Variants in JPH2 observed in about 807,000 individuals in gnomAD.
The protein encoded by JPH2 is junctophilin-2.
JPH2 carries 38 observed loss-of-function variants against 55.9 expected under a neutral mutation model. The observed-to-expected ratio is 0.68, with a 90% confidence interval of 0.52 to 0.89. JPH2 has a LOEUF of 0.89. Ranked by LOEUF, JPH2 falls within the 40% of genes least tolerant of loss-of-function variation. The pLI, the probability that JPH2 is intolerant of heterozygous loss-of-function variation, is 0.00. For missense variants in JPH2, 964 were observed against 1,037.6 expected, an observed-to-expected ratio of 0.93 and a Z score of 0.97; for synonymous variants, 480 against 472.4, an observed-to-expected ratio of 1.02 and a Z score of -0.21.
chr20:44,127,724 G>A (rs950039654), intron 2 of JPH2, among the ~76,000 whole-genome samples: 1 of 151,966 alleles, frequency 6.6e-6, no homozygotes, highest in African/African-American at 2.4e-5. Flanking sequence ...TCCTGACCTC[G>A]TGATCCACCC....
rs934284609 is a variant in JPH2 at position 44,132,298 on chromosome 20, G to C, written c.1170-13675C>G. ...AGAATATTTATGGAAAGATAGGTAA[G>C]AAACTTATAATACAGGTTGCCCACT... On this transcript the variant is annotated intron_variant, in intron 2 of 5. Coordinates refer to ENST00000372980, the MANE Select transcript of JPH2 (RefSeq NM_020433.5). 2.7e-5 allele frequency among the ~76,000 whole-genome samples: 4 copies of C among 149,786 alleles called. No homozygotes were observed. The Admixed American group carries it at 2.7e-4, about 10-fold the overall frequency.
Position 44,118,561 on chromosome 20 carries a change from T to C in JPH2, c.1232A>G (p.Glu411Gly). ...AEQAALAANQ[E>G]SNIARTLARE... The stretch of plus-strand genomic sequence containing the variant: ...GGCCAAAGTGCGAGCAATGTTGGAC[T>C]CCTGGTTGGCAGCCAGGGCGGCCTG... Residue 411 changes from glutamate (E) to glycine (G), a missense_variant, in exon 3 of 6, where the codon GAG becomes GGG. Physicochemically the swap from Glu to Gly is moderately conservative, Grantham distance 98. Coordinates refer to ENST00000372980, the MANE Select transcript of JPH2 (RefSeq NM_020433.5). The C allele has an allele frequency of 6.2e-7, 1 of 1,613,268 alleles. No individual in the cohort carries two copies. Among genetic ancestry groups the C allele is most frequent in the Non-Finnish European group, 8.5e-7 (1 of 1,180,042 alleles).
At chr20:44,134,644 A>AAATATAT (rs1349877369) in intron 2 of JPH2, among the ~76,000 whole-genome samples, 1 of 30,650 alleles carries the variant, frequency 3.3e-5, no homozygotes, top group African/African-American at 1.4e-4. Flanking sequence ...TAAATATATA[A>AAATATAT]ATATTTATTA....
chr20:44,123,248 G>A (rs775451853), intron 2 of JPH2, among the ~76,000 whole-genome samples: 11 of 152,074 alleles, frequency 7.2e-5, no homozygotes, highest in East Asian at 1.9e-4. Flanking sequence ...CAGGAATCCC[G>A]GTGTTCTTCA....
chr20:44,155,917 TC>T (rs1188275291), intron 2 of JPH2, among the ~76,000 whole-genome samples: 1 of 151,926 alleles, frequency 6.6e-6, no homozygotes, highest in Non-Finnish European at 1.5e-5. Context: ...ACACCTGTGG[TC>T]CCAGCTACTT....
In JPH2 at chr20:44,159,824, G is replaced by C; in HGVS notation, c.963C>G (p.Asn321Lys). Residue 321 changes from asparagine to lysine, a missense_variant, in exon 2 of 6, where the codon AAC becomes AAG. By Grantham distance (94) the Asn-to-Lys change is moderately conservative. Coordinates refer to ENST00000372980, the MANE Select transcript of JPH2 (RefSeq NM_020433.5). This position sits in a 1 kb window ranked among gnomAD's most constrained non-coding sequence, Gnocchi z 5.7. ...TGGTGCAGCCATAGCCGTGGCGCAG[G>C]TTGTCCAGCCACTCGCCCTCGTAGC... ...GLRYEGEWLD[N>K]LRHGYGCTTL... is the part of the protein sequence containing the mutation. 6.2e-7 allele frequency: 1 copy of C among 1,613,424 alleles called. No individual in the cohort carries two copies. The highest frequency in any genetic ancestry group is 1.1e-5 in the South Asian group (1 of 91,068).
chr20:44,143,068 T>A (rs991506746), intron 2 of JPH2, among the ~76,000 whole-genome samples: 4 of 151,892 alleles, frequency 2.6e-5, no homozygotes, highest in African/African-American at 9.7e-5. Context: ...AAAGAGCAGG[T>A]GTTCGTGAGA....
intron 2 of JPH2, among the ~76,000 whole-genome samples, chr20:44,122,870 G>C (rs1473894002): frequency 6.6e-6 from 1 of 152,172 alleles, no homozygotes; most frequent in Admixed American, 6.5e-5. Context: ...ACTTTTTAGA[G>C]CCACTTCTCT....
chr20:44,153,202 GATA>G (rs2072543434), intron 2 of JPH2, among the ~76,000 whole-genome samples: 1 of 152,166 alleles, frequency 6.6e-6, no homozygotes, highest in African/African-American at 2.4e-5. Context: ...ACACAGGATT[GATA>G]ATAACAGCTT....
intron 1 of JPH2, among the ~76,000 whole-genome samples, chr20:44,163,331 G>A (rs2072629400): frequency 6.6e-6 from 1 of 152,180 alleles, no homozygotes; most frequent in African/African-American, 2.4e-5. Context: ...TGTGTTGGGT[G>A]AAGAGCTCTC....
intron 2 of JPH2, among the ~76,000 whole-genome samples, chr20:44,134,664 AT>A (rs2072386672): frequency 8.0e-4 from 6 of 7,534 alleles, no homozygotes; most frequent in East Asian, 4.8e-3. Flanking sequence ...ATAAATATAT[AT>A]AAATATATAT....
Position 44,116,279 on chromosome 20 carries a change from G to A in JPH2, c.1396C>T (p.Pro466Ser), listed in dbSNP as rs1168972813. The A allele has an allele frequency of 6.5e-6, 10 of 1,532,492 alleles. No individual in the cohort carries two copies. Among genetic ancestry groups the A allele is most frequent in the East Asian group, 2.5e-5 (1 of 40,130 alleles). 94.9% of individuals were successfully genotyped at this position (1,532,492 alleles called of 1,614,324 possible). A position where few individuals can be genotyped will look rare whatever the true frequency, so the allele number is the denominator to read the frequency against. The change falls in exon 4 of 6, where the codon CCC becomes TCC. Residue 466 changes from proline (P) to serine (S), a missense_variant. By Grantham distance (74) the Pro-to-Ser change is moderately conservative. Coordinates refer to ENST00000372980, the MANE Select transcript of JPH2 (RefSeq NM_020433.5). ...GAGAAGLPQP[P>S]RESPQLHERE... ...TCGTGCAGCTGCGGGCTCTCGCGGG[G>A]CGGCTGTGGGAGGCCCGCTGCGCCG... is the stretch of plus-strand genomic sequence containing the variant.
In JPH2 at chr20:44,159,857, A is replaced by G; in HGVS notation, c.930T>C (p.Ser310=). ...GCCACTCGCCCTCGTAGCGGAGGCC[A>G]CTGGAGCGTTCGCTCACGCCGAAGC... ...RSGFGVSERS[S]GLRYEGEWLD... is the part of the protein sequence containing the mutation. Residue 310 remains serine (S), a synonymous_variant, in exon 2 of 6, where the codon AGT becomes AGC. Transcript: ENST00000372980. The surrounding 1 kb of genome is among the most constrained non-coding windows in gnomAD (Gnocchi z 5.7). The G allele has an allele frequency of 6.2e-7, 1 of 1,612,306 alleles. No homozygotes were observed.
At chr20:44,134,037 T>TTA (rs1555855547) in intron 2 of JPH2, among the ~76,000 whole-genome samples, 1 of 12,860 alleles carries the variant, frequency 7.8e-5, no homozygotes, top group Non-Finnish European at 1.2e-4. Flanking sequence ...TAAATATATA[T>TTA]TTATATATAA....
At chr20:44,141,918 G>A (rs1299492690) in intron 2 of JPH2, among the ~76,000 whole-genome samples, 1 of 152,182 alleles carries the variant, frequency 6.6e-6, no homozygotes, top group Non-Finnish European at 1.5e-5. Flanking sequence ...AGTCCTTCTG[G>A]TTTTAGCAAA....
At chr20:44,156,597 A>G (rs2072568315) in intron 2 of JPH2, among the ~76,000 whole-genome samples, 1 of 152,092 alleles carries the variant, frequency 6.6e-6, no homozygotes, top group Non-Finnish European at 1.5e-5. Flanking sequence ...TTCGCACACT[A>G]CATTCTCCAG....
intron 2 of JPH2, among the ~76,000 whole-genome samples, chr20:44,121,558 A>T (rs367834891): frequency 3.6e-4 from 55 of 152,130 alleles, no homozygotes; most frequent in African/African-American, 1.3e-3. Context: ...ACAAAATAGG[A>T]GTTAACATTT....
intron 2 of JPH2, among the ~76,000 whole-genome samples, chr20:44,147,905 G>A (rs2072503730): frequency 6.6e-6 from 1 of 152,194 alleles, no homozygotes; most frequent in Non-Finnish European, 1.5e-5. Context: ...GCTCATGCCT[G>A]TAATTCCAGC....
intron 1 of JPH2, among the ~76,000 whole-genome samples, chr20:44,185,113 A>G (rs545087929): frequency 9.1e-4 from 138 of 152,176 alleles, no homozygotes; most frequent in African/African-American, 2.9e-3. Flanking sequence ...AGCCTGGGCC[A>G]CATAGTAAGA....
Sources: gnomAD v4.1 joint callset for allele counts (sites outside exome capture counted in the v4.1 genomes callset) on GRCh38, gnomAD v4.1.1 for gene constraint, Gnocchi (gnomAD v3.1) non-coding constraint, MANE v1.5 for transcripts, NCBI Gene and HGNC (gene_info 2026-07-23, HGNC 2026-07-21) for gene names.